The following STAG1 variants were observed in gnomAD, a reference collection of about 807,000 sequenced individuals.
STAG1 encodes the protein cohesin subunit SA-1.
A neutral mutation model predicts 170.9 loss-of-function variants in STAG1; 26 were observed. The ratio of observed to expected loss-of-function variants is 0.15; its 90% CI spans 0.11 to 0.21. The LOEUF (loss-of-function observed/expected upper bound fraction) is 0.21. Among genes scored for constraint, STAG1 ranks in the 10% least tolerant of loss-of-function variants. The probability of loss-of-function intolerance (pLI) is 1.00; values close to 1 mark genes in which losing one functional copy is unlikely to be tolerated. For missense variants in STAG1, 964 were observed against 1,509.5 expected, an observed-to-expected ratio of 0.64 and a Z score of 5.99; for synonymous variants, 514 against 497.7, an observed-to-expected ratio of 1.03 and a Z score of -0.44.
At position 136,521,201 on chromosome 3, in the gene STAG1, T is replaced by C. The variant is rs753415868; in HGVS notation, c.676+12A>G. On this transcript the variant is annotated intron_variant, in intron 7 of 33. Transcript: ENST00000383202. The stretch of plus-strand genomic sequence containing the variant: ...AACTAAATGAAAAGGAAATAAAATG[T>C]TAATTACTTACCAGCCAGGGTACTT... 1.9e-6 allele frequency: 3 copies of C among 1,606,718 alleles called. No homozygotes were observed. The highest frequency in any genetic ancestry group is 2.6e-6 in the Non-Finnish European group (3 of 1,173,824).
At chr3:136,403,409 A>G (rs921378025) in intron 21 of STAG1, among the ~76,000 whole-genome samples, 1 of 152,052 alleles carries the variant, frequency 6.6e-6, no homozygotes, top group African/African-American at 2.4e-5. Flanking sequence ...TGCAGAAAAT[A>G]GACTACTGGA....
chr3:136,586,670 G>A, intron 4 of STAG1: 1 of 309,650 alleles, frequency 3.2e-6, no homozygotes, highest in South Asian at 2.8e-5. Context: ...TTGTGTTTTG[G>A]AGAAATTAAA....
intron 1 of STAG1, among the ~76,000 whole-genome samples, chr3:136,631,221 A>G (rs1477642960): frequency 6.6e-6 from 1 of 152,204 alleles, no homozygotes; most frequent in South Asian, 2.1e-4. Flanking sequence ...TCACAGTGAA[A>G]TATTATTTGG....
At chr3:136,375,686 C>G (rs1937557569) in intron 23 of STAG1, among the ~76,000 whole-genome samples, 1 of 152,034 alleles carries the variant, frequency 6.6e-6, no homozygotes, top group South Asian at 2.1e-4. Context: ...AATGGCAGAG[C>G]TGGGCCAGGT....
At chr3:136,643,295 T>A (rs1940873440) in intron 1 of STAG1, among the ~76,000 whole-genome samples, 1 of 152,196 alleles carries the variant, frequency 6.6e-6, no homozygotes, top group Admixed American at 6.5e-5. Context: ...GTAAATAAAT[T>A]AGATGAAATT....
chr3:136,386,116 T>C (rs1225832024), intron 22 of STAG1, among the ~76,000 whole-genome samples: 1 of 152,082 alleles, frequency 6.6e-6, no homozygotes, highest in African/African-American at 2.4e-5. Context: ...GGCAGGCGGA[T>C]CACAAGGTCA....
chr3:136,714,995 A>T (rs1292656653), intron 1 of STAG1, among the ~76,000 whole-genome samples: 1 of 109,306 alleles, frequency 9.1e-6, no homozygotes, highest in Admixed American at 1.1e-4. Flanking sequence ...TATATATTTT[A>T]TATATATAAT....
chr3:136,568,918 T>A, intron 4 of STAG1, 57 bp from the exon 5 acceptor site: 2 of 1,309,024 alleles, frequency 1.5e-6, no homozygotes, highest in African/African-American at 1.5e-5. Flanking sequence ...TTATAGCAAA[T>A]AAATTTTCAA....
intron 5 of STAG1, among the ~76,000 whole-genome samples, chr3:136,563,743 G>A (rs13067764): frequency 0.059 from 9,011 of 151,880 alleles, 376 homozygotes; most frequent in Middle Eastern, 0.11. Context: ...GAGAAAGGCC[G>A]GGCACGGTGG....
intron 3 of STAG1, among the ~76,000 whole-genome samples, chr3:136,615,123 T>A (rs1939519494): frequency 6.6e-6 from 1 of 151,988 alleles, no homozygotes; most frequent in South Asian, 2.1e-4. Flanking sequence ...CATGAACTCA[T>A]AAAATTAGTT....
intron 14 of STAG1, among the ~76,000 whole-genome samples, chr3:136,450,999 T>A (rs1330833871): frequency 6.6e-6 from 1 of 152,172 alleles, no homozygotes; most frequent in Non-Finnish European, 1.5e-5. Flanking sequence ...TCTGCCCACC[T>A]CGGCCTCCCA....
At chr3:136,491,094 A>G (rs921976671) in intron 9 of STAG1, among the ~76,000 whole-genome samples, 9 of 151,754 alleles carry the variant, frequency 5.9e-5, no homozygotes, top group Non-Finnish European at 1.0e-4. Flanking sequence ...CACTACTACT[A>G]CTTCTCTCTA....
intron 1 of STAG1, among the ~76,000 whole-genome samples, chr3:136,679,012 C>T (rs370611018): frequency 5.0e-4 from 55 of 110,688 alleles, no homozygotes; most frequent in Non-Finnish European, 9.4e-4. Flanking sequence ...AAAAAAAAAA[C>T]AAATGTCTAC....
chr3:136,493,733 A>G (rs1384290374), intron 9 of STAG1, among the ~76,000 whole-genome samples: 9 of 152,024 alleles, frequency 5.9e-5, no homozygotes, highest in African/African-American at 2.2e-4. Context: ...GAGAAAGCCA[A>G]CAAAATTACA....
intron 1 of STAG1, among the ~76,000 whole-genome samples, chr3:136,674,038 G>A (rs1463647848): frequency 6.7e-6 from 1 of 150,200 alleles, no homozygotes; most frequent in African/African-American, 2.5e-5. Context: ...GGGAGGTGGA[G>A]GTTGCAGTAG....
chr3:136,645,061 C>T (rs1404234931), intron 1 of STAG1, among the ~76,000 whole-genome samples: 1 of 152,144 alleles, frequency 6.6e-6, no homozygotes, highest in East Asian at 1.9e-4. Flanking sequence ...ATTAGGCTCT[C>T]CAGAGAAACA....
intron 16 of STAG1, among the ~76,000 whole-genome samples, chr3:136,432,555 T>A (rs577663450): frequency 6.6e-6 from 1 of 150,610 alleles, no homozygotes; most frequent in South Asian, 2.1e-4. Flanking sequence ...TCACCCAGGC[T>A]GGAGAGCAGT....
At chr3:136,705,259 C>T (rs1943195804) in intron 1 of STAG1, among the ~76,000 whole-genome samples, 1 of 151,866 alleles carries the variant, frequency 6.6e-6, no homozygotes. Context: ...GCCTATAATC[C>T]CAGCTATACA....
chr3:136,554,559 T>C (rs906478375), intron 5 of STAG1, among the ~76,000 whole-genome samples: 1 of 152,008 alleles, frequency 6.6e-6, no homozygotes, highest in Non-Finnish European at 1.5e-5. Context: ...AAGAAAACAA[T>C]ACAAAAAGTT....
Sources: allele counts gnomAD v4.1 joint callset (sites outside exome capture counted in the v4.1 genomes callset), GRCh38; gene constraint gnomAD v4.1.1; transcripts MANE v1.5; gene names NCBI Gene and HGNC (gene_info 2026-07-23, HGNC 2026-07-21).